The following KCNMA1 variants were observed in gnomAD, a reference collection of about 807,000 sequenced individuals.
The protein encoded by KCNMA1 is potassium calcium-activated channel subfamily M alpha 1, also known as Calcium-activated potassium channel subunit alpha-1.
KCNMA1 carries 29 observed loss-of-function variants against 140.0 expected under a neutral mutation model. The observed-to-expected ratio is 0.21, with a 90% CI of 0.15 to 0.28. The LOEUF is 0.28. Ranked by LOEUF, KCNMA1 falls within the 10% of genes least tolerant of loss-of-function variation. The probability of loss-of-function intolerance (pLI) is 1.00; values close to 1 mark genes in which losing one functional copy is unlikely to be tolerated. For synonymous variants in KCNMA1, 612 were observed against 611.9 expected (o/e 1.00, Z 0.00); for missense variants, 880 against 1,602.2 (o/e 0.55, Z 7.70).
chr10:77,172,651 A>C (rs1414472983), intron 5 of KCNMA1, among the ~76,000 whole-genome samples: 1 of 151,646 alleles, frequency 6.6e-6, no homozygotes, highest in Non-Finnish European at 1.5e-5. Flanking sequence ...ATTCAGTTGC[A>C]ATGCTATTCA....
intron 23 of KCNMA1, among the ~76,000 whole-genome samples, chr10:76,938,063 G>C (rs1591306201): frequency 6.6e-6 from 1 of 151,786 alleles, no homozygotes; most frequent in Non-Finnish European, 1.5e-5. Context: ...TTGGTTCTCC[G>C]GCTTCTACCA....
intron 3 of KCNMA1, among the ~76,000 whole-genome samples, chr10:77,231,835 A>T (rs1040046535): frequency 1.3e-5 from 2 of 152,202 alleles, no homozygotes; most frequent in African/African-American, 4.8e-5. Context: ...TCTAGTTTCT[A>T]CACCATACAA....
chr10:77,097,128 C>T (rs996197980), intron 9 of KCNMA1, among the ~76,000 whole-genome samples: 12 of 152,166 alleles, frequency 7.9e-5, no homozygotes, highest in African/African-American at 2.9e-4. Flanking sequence ...CTTTCCTTTC[C>T]TTCTCACCTG....
intron 1 of KCNMA1, among the ~76,000 whole-genome samples, chr10:77,583,410 A>G (rs1026652400): frequency 1.3e-5 from 2 of 152,224 alleles, no homozygotes; most frequent in African/African-American, 2.4e-5. Flanking sequence ...TCACATAGGG[A>G]CACAAGTCCA....
intron 1 of KCNMA1, among the ~76,000 whole-genome samples, chr10:77,466,764 C>T (rs895371943): frequency 1.3e-5 from 2 of 152,078 alleles, no homozygotes; most frequent in Non-Finnish European, 2.9e-5. Context: ...AGGACATTTC[C>T]GTCTGCTGTG....
chr10:77,338,048 C>T (rs572726421), intron 2 of KCNMA1, among the ~76,000 whole-genome samples: 24 of 152,272 alleles, frequency 1.6e-4, no homozygotes, highest in African/African-American at 5.1e-4. Flanking sequence ...TTGTTATTGG[C>T]GCCTCTCTTT....
intron 5 of KCNMA1, among the ~76,000 whole-genome samples, chr10:77,160,210 T>TCAG (rs1397953032): frequency 1.3e-5 from 2 of 152,256 alleles, no homozygotes; most frequent in South Asian, 2.1e-4. Flanking sequence ...TGAGGATCCC[T>TCAG]CAGCTGCCTC....
intron 19 of KCNMA1, chr10:76,995,831 T>A: frequency 2.6e-6 from 1 of 380,610 alleles, no homozygotes; most frequent in Non-Finnish European, 5.3e-6. Flanking sequence ...AGTCATTTAT[T>A]ACAGCATGGT....
chr10:77,373,077 C>T (rs567356686), intron 2 of KCNMA1: 23 of 152,290 alleles, frequency 1.5e-4, no homozygotes, highest in Non-Finnish European at 3.1e-4. Flanking sequence ...AAGATAATCT[C>T]AAAGTTTATT....
In KCNMA1 at chr10:76,966,492, T is replaced by C. The variant is rs988005866; in HGVS notation, c.2360+3482A>G. 7.3e-5 allele frequency among the ~76,000 whole-genome samples: 11 copies of C among 151,544 alleles called. 2 individuals carry two copies. Among genetic ancestry groups the C allele is most frequent in the East Asian group, 3.9e-4 (2 of 5,130 alleles). ...TTTCCTAGAAAGACTTCCTAGAGAG[T>C]TTTCATTGAAGGTTCATAGGGTTGG... On this transcript the variant is annotated intron_variant, in intron 20 of 27. Coordinates refer to ENST00000286628, the MANE Select transcript of KCNMA1 (RefSeq NM_001161352.2).
intron 25 of KCNMA1, among the ~76,000 whole-genome samples, chr10:76,896,898 G>C (rs895843442): frequency 3.3e-5 from 5 of 151,816 alleles, no homozygotes; most frequent in Admixed American, 3.3e-4. Flanking sequence ...TTAAATGGAT[G>C]AGTTGTATAG....
At chr10:77,619,527 G>A (rs940009251) in intron 1 of KCNMA1, among the ~76,000 whole-genome samples, 4 of 152,132 alleles carry the variant, frequency 2.6e-5, no homozygotes, top group African/African-American at 9.7e-5. Context: ...ATGGATTACA[G>A]GGGCTAGCTC....
intron 1 of KCNMA1, among the ~76,000 whole-genome samples, chr10:77,516,445 T>A (rs1315984031): frequency 6.6e-6 from 1 of 152,218 alleles, no homozygotes; most frequent in African/African-American, 2.4e-5. Context: ...CTGTCTCCAC[T>A]ACTAGACCTA....
chr10:77,406,071 G>T (rs112139471), intron 1 of KCNMA1, among the ~76,000 whole-genome samples: 27 of 152,324 alleles, frequency 1.8e-4, no homozygotes, highest in African/African-American at 6.0e-4. Flanking sequence ...AGGCCCAGGA[G>T]GGGGAGGCCA....
chr10:77,194,719 C>G (rs1373553611), intron 3 of KCNMA1, among the ~76,000 whole-genome samples: 4 of 151,982 alleles, frequency 2.6e-5, no homozygotes, highest in African/African-American at 9.7e-5. Context: ...CTTGGCACAT[C>G]TGCACTCAAG....
intron 14 of KCNMA1, among the ~76,000 whole-genome samples, chr10:77,069,926 C>T (rs1045598902): frequency 2.6e-5 from 4 of 152,116 alleles, no homozygotes; most frequent in African/African-American, 9.7e-5. Flanking sequence ...AGCAATTCCC[C>T]GGCTTCAGCT....
chr10:77,032,084 G>A (rs2093975780), intron 15 of KCNMA1, among the ~76,000 whole-genome samples: 1 of 152,098 alleles, frequency 6.6e-6, no homozygotes, highest in African/African-American at 2.4e-5. Context: ...ATATGCTCTG[G>A]GAATCTAATT....
At chr10:77,216,669 T>C (rs2047884364) in intron 3 of KCNMA1, among the ~76,000 whole-genome samples, 1 of 152,240 alleles carries the variant, frequency 6.6e-6, no homozygotes, top group African/African-American at 2.4e-5. Context: ...AGGTACCAGC[T>C]TCTGAAGGCT....
At chr10:77,322,553 G>A (rs569104271) in intron 2 of KCNMA1, among the ~76,000 whole-genome samples, 3 of 152,266 alleles carry the variant, frequency 2.0e-5, no homozygotes, top group South Asian at 2.1e-4. Flanking sequence ...TAGTTCTTAC[G>A]CTCTGCGAAG....
Sources: allele counts gnomAD v4.1 joint callset (sites outside exome capture counted in the v4.1 genomes callset), GRCh38; gene constraint gnomAD v4.1.1; transcripts MANE v1.5; gene names NCBI Gene and HGNC (gene_info 2026-07-23, HGNC 2026-07-21).